DST: variants seen among roughly 807,000 people sequenced by gnomAD.
DST encodes the protein dystonin.
In DST, 253 loss-of-function variants were observed where a neutral mutation model predicts 875.2. The observed-to-expected ratio is 0.29, with a 90% CI of 0.26 to 0.32. The LOEUF (loss-of-function observed/expected upper bound fraction) is 0.32, where lower values mean the gene tolerates loss of function less well. Among genes scored for constraint, DST ranks in the 10% least tolerant of loss-of-function variants. The pLI, the probability that DST is intolerant of heterozygous loss-of-function variation, is 1.00. For synonymous variants in DST, 3,124 were observed against 3,197.1 expected (o/e 0.98, Z 0.77); for missense variants, 8,287 against 9,111.6 (o/e 0.91, Z 3.68).
At chr6:56,642,383 C>T (rs953272278) in intron 16 of DST, 27 bp downstream of exon 16, 45 of 1,525,314 alleles carry the variant, frequency 3.0e-5, no homozygotes, top group Non-Finnish European at 4.1e-5. Context: ...TCTACCACAA[C>T]CCCAATGGCT....
intron 85 of DST, among the ~76,000 whole-genome samples, chr6:56,492,008 T>C (rs954600778): frequency 1.3e-5 from 2 of 152,184 alleles, no homozygotes; most frequent in Non-Finnish European, 2.9e-5. Flanking sequence ...TCAGTCTTCT[T>C]AAGATTAGTC....
At chr6:56,822,120 G>T (rs1591171722) in intron 4 of DST, among the ~76,000 whole-genome samples, 2 of 152,116 alleles carry the variant, frequency 1.3e-5, no homozygotes, top group South Asian at 4.2e-4. Flanking sequence ...AGAAAAGGAG[G>T]ACATTCTACC....
chr6:56,849,195 G>A (rs1349597409), intron 4 of DST, among the ~76,000 whole-genome samples: 4 of 138,394 alleles, frequency 2.9e-5, no homozygotes, highest in African/African-American at 1.1e-4. Context: ...GGAGTGCAGT[G>A]GCAAGATCTC....
At chr6:56,789,175 AT>A (rs1554761428) in intron 4 of DST, among the ~76,000 whole-genome samples, 1 of 152,092 alleles carries the variant, frequency 6.6e-6, no homozygotes, top group South Asian at 2.1e-4. Flanking sequence ...TATAAAAAAA[AT>A]TTTTTTTAAT....
Position 56,645,876 on chromosome 6 carries a change from C to T in DST, c.1768G>A (p.Glu590Lys). The T allele has an allele frequency of 6.2e-7, 1 of 1,613,680 alleles. No homozygotes were observed. The highest frequency in any genetic ancestry group is 1.7e-4 in the Middle Eastern group (1 of 6,060). Residue 590 changes from glutamate (E) to lysine (K), a missense_variant, in exon 15 of 104, where the codon GAA (glutamate) becomes AAA (lysine). Physicochemically the swap from Glu to Lys is moderately conservative, Grantham distance 56. Transcript: ENST00000680361. ...MLEREKALRP[E>K]VERLEMLQQI... ...ACACCTCTGGCCTACCTTTCTACTT[C>T]TGGACGAAGGGCCTTCTCTCTCTCT...
intron 13 of DST, among the ~76,000 whole-genome samples, chr6:56,647,219 T>C (rs1226546764): frequency 6.6e-6 from 1 of 152,250 alleles, no homozygotes; most frequent in East Asian, 1.9e-4. Flanking sequence ...TGTTGGTCAT[T>C]AAGCACCGAA....
At chr6:56,849,766 C>T (rs1398237842) in intron 4 of DST, among the ~76,000 whole-genome samples, 1 of 152,186 alleles carries the variant, frequency 6.6e-6, no homozygotes, top group Non-Finnish European at 1.5e-5. Context: ...TCATAACTCC[C>T]TCCTTCATTA....
intron 4 of DST, among the ~76,000 whole-genome samples, chr6:56,815,128 A>G (rs1228405763): frequency 6.6e-6 from 1 of 152,200 alleles, no homozygotes; most frequent in Non-Finnish European, 1.5e-5. Context: ...TTACTGCACT[A>G]TGCAGATTAA....
At chr6:56,559,017 C>T (rs752372685) in intron 58 of DST, among the ~76,000 whole-genome samples, 22 of 152,142 alleles carry the variant, frequency 1.4e-4, no homozygotes, top group South Asian at 2.1e-4. Context: ...CACAGTCACT[C>T]GATAAATATT....
At chr6:56,851,987 A>G in intron 3 of DST, 3 of 1,448,752 alleles carry the variant, frequency 2.1e-6, no homozygotes, top group Non-Finnish European at 2.7e-6. Context: ...CAGTAGAAAT[A>G]TTTTCCATTA....
At chr6:56,564,251 T>C (rs1405785287) in intron 55 of DST, among the ~76,000 whole-genome samples, 1 of 152,216 alleles carries the variant, frequency 6.6e-6, no homozygotes, top group African/African-American at 2.4e-5. Flanking sequence ...TCTTATTTCC[T>C]TGAGCAGTGG....
At chr6:56,480,382 A>G (rs2095361451) in intron 90 of DST, among the ~76,000 whole-genome samples, 1 of 152,210 alleles carries the variant, frequency 6.6e-6, no homozygotes, top group Admixed American at 6.5e-5. Context: ...TTCTACACCT[A>G]GAGGAGCCAA....
chr6:56,580,055 G>A (rs201107854), intron 49 of DST, among the ~76,000 whole-genome samples: 2 of 152,220 alleles, frequency 1.3e-5, no homozygotes, highest in East Asian at 1.9e-4. Flanking sequence ...GAGTTGGGAA[G>A]AGTCCAAAGG....
intron 4 of DST, among the ~76,000 whole-genome samples, chr6:56,770,438 T>G (rs1474044572): frequency 6.6e-6 from 1 of 152,218 alleles, no homozygotes; most frequent in Non-Finnish European, 1.5e-5. Context: ...GAATTTAATT[T>G]ATAAAGATCA....
chr6:56,644,274 T>C (rs575713073), intron 15 of DST, among the ~76,000 whole-genome samples: 2 of 152,330 alleles, frequency 1.3e-5, no homozygotes, highest in South Asian at 4.1e-4. Flanking sequence ...TATTTATGGC[T>C]TGTTTTGGTT....
chr6:56,638,679 A>G (rs760519078), intron 22 of DST, among the ~76,000 whole-genome samples: 6 of 152,068 alleles, frequency 3.9e-5, no homozygotes, highest in African/African-American at 9.7e-5. Context: ...TCCCATCTCA[A>G]TTTTCCACTT....
intron 80 of DST, among the ~76,000 whole-genome samples, chr6:56,499,034 T>C (rs1306424150): frequency 1.3e-5 from 2 of 152,190 alleles, no homozygotes; most frequent in Non-Finnish European, 2.9e-5. Context: ...CAATTTCTTT[T>C]ACTGAATGAG....
intron 3 of DST, among the ~76,000 whole-genome samples, chr6:56,894,848 C>CG (rs1438944445): frequency 1.4e-5 from 1 of 70,466 alleles, no homozygotes; most frequent in East Asian, 4.4e-4. Context: ...GCTGGCCAGG[C>CG]GGGGGGCTGA....
At chr6:56,700,794 A>G (rs544883544) in intron 8 of DST, among the ~76,000 whole-genome samples, 87 of 152,296 alleles carry the variant, frequency 5.7e-4, no homozygotes, top group Admixed American at 2.7e-3. Context: ...AGAAGTATCC[A>G]TCTGGAAACT....
Sources: allele counts gnomAD v4.1 joint callset (sites outside exome capture counted in the v4.1 genomes callset), GRCh38; gene constraint gnomAD v4.1.1; transcripts MANE v1.5; gene names NCBI Gene and HGNC (gene_info 2026-07-23, HGNC 2026-07-21).